CLEC16A: variants seen among roughly 807,000 people sequenced by gnomAD.
The protein encoded by CLEC16A is C-type lectin domain containing 16A.
In CLEC16A, 51 loss-of-function variants were observed where a neutral mutation model predicts 109.5. The ratio of observed to expected loss-of-function variants is 0.47; its 90% CI spans 0.37 to 0.59. The LOEUF is 0.59. Among genes scored for constraint, CLEC16A ranks in the 20% least tolerant of loss-of-function variants. The pLI, the probability that CLEC16A is intolerant of heterozygous loss-of-function variation, is 0.00. For missense variants in CLEC16A, 1,339 were observed against 1,394.0 expected (o/e 0.96, Z 0.63); for synonymous variants, 673 against 564.2 (o/e 1.19, Z -2.73).
At chr16:10,995,824 T>C (rs2044293942) in intron 10 of CLEC16A, among the ~76,000 whole-genome samples, 1 of 152,188 alleles carries the variant, frequency 6.6e-6, no homozygotes, top group South Asian at 2.1e-4. Context: ...GTCTCCTTTC[T>C]TAAGGGGAAA....
intron 18 of CLEC16A, chr16:11,056,984 TTTCGTTGCTTCCAGTA>T (rs1482593826): frequency 4.6e-5 from 7 of 152,238 alleles, no homozygotes; most frequent in Non-Finnish European, 1.0e-4. Context: ...AAGTAGACAT[TTTCGTTGCTTCCAGTA>T]TTACATTATT....
chr16:11,032,329 G>A (rs764371038), intron 13 of CLEC16A, among the ~76,000 whole-genome samples: 1 of 152,222 alleles, frequency 6.6e-6, no homozygotes, highest in Non-Finnish European at 1.5e-5. Context: ...GCCGTGTGGG[G>A]CTGCTGGGGG....
rs56911220 is a variant in CLEC16A at position 11,018,748 on chromosome 16, C to CAAAAAAAAA, written c.1304-1436_1304-1428dup. Reference sequence around the variant, plus strand: ...TGGGCGACAGAGCGAGACTCCATCTCAAAAAAAAAAAAAAAAATGGAGACA... The same window carrying CAAAAAAAAA: ...TGGGCGACAGAGCGAGACTCCATCTCAAAAAAAAAAAAAAAAAAAAAAAAAATGGAGACA... On this transcript the variant is annotated intron_variant, in intron 11 of 23. Transcript: ENST00000409790. Among the ~76,000 whole-genome samples the CAAAAAAAAA allele has an allele frequency of 4.3e-3, 414 of 96,204 alleles. 24 individuals are homozygous for CAAAAAAAAA. The highest frequency in any genetic ancestry group is 0.011 in the African/African-American group (262 of 22,792). 63.1% of individuals were successfully genotyped at this position (96,204 alleles called of 152,430 possible).
In CLEC16A at chr16:11,179,698, T is replaced by A. The variant is rs2141063526; in HGVS notation, c.*1008T>A. ...TGATGGAAATCAAAGGAAGACACCC[T>A]CTACGTCACCTGCCCTCGACTGTGT... On this transcript the variant is annotated 3_prime_UTR_variant, in exon 24 of 24. Transcript: ENST00000409790. 2.0e-5 allele frequency: 3 copies of A among 152,412 alleles called. No individual in the cohort carries two copies. In the South Asian group the frequency reaches 6.2e-4, roughly 32 times the overall value. The allele number at this position is 152,412 out of a possible 1,614,324, so 9.4% of individuals were successfully genotyped here.
intron 10 of CLEC16A, among the ~76,000 whole-genome samples, chr16:10,985,669 A>G (rs886357475): frequency 1.3e-5 from 2 of 151,970 alleles, no homozygotes; most frequent in African/African-American, 2.4e-5. Context: ...GTTCTAAGAG[A>G]TGAAACCAGA....
chr16:11,109,151 G>A (rs1375648242), intron 19 of CLEC16A, among the ~76,000 whole-genome samples: 10 of 142,010 alleles, frequency 7.0e-5, no homozygotes, highest in African/African-American at 2.6e-4. Flanking sequence ...CAGGGGCCTT[G>A]ATTCAAAACA....
chr16:11,122,966 C>T (rs1012443742), intron 20 of CLEC16A, among the ~76,000 whole-genome samples: 15 of 117,604 alleles, frequency 1.3e-4, no homozygotes, highest in African/African-American at 4.4e-4. Context: ...TGCAGTGGTT[C>T]GATCTCGGCT....
chr16:11,106,346 T>C (rs544565866), intron 19 of CLEC16A, among the ~76,000 whole-genome samples: 2 of 152,084 alleles, frequency 1.3e-5, no homozygotes, highest in Admixed American at 1.3e-4. Context: ...TGGAGTGCAG[T>C]GTTTTGATCA....
intron 22 of CLEC16A, 89 bp downstream of exon 22, chr16:11,126,235 C>G: frequency 6.3e-7 from 1 of 1,580,728 alleles, no homozygotes; most frequent in South Asian, 1.1e-5. Flanking sequence ...GTGAGCTGCC[C>G]TTCCTCTCTC....
intron 19 of CLEC16A, among the ~76,000 whole-genome samples, chr16:11,114,128 C>CGTGTGTGT (rs3030600): frequency 0.031 from 3,939 of 127,234 alleles, 139 homozygotes; most frequent in African/African-American, 0.06. Flanking sequence ...TGAGGATGGC[C>CGTGTGTGT]GTGTGTGTGT....
intron 1 of CLEC16A, among the ~76,000 whole-genome samples, chr16:10,949,427 A>G (rs1266037268): frequency 3.9e-5 from 6 of 152,058 alleles, no homozygotes; most frequent in Non-Finnish European, 8.8e-5. Flanking sequence ...AGTCGTTGTT[A>G]CCAGGCAGCG....
At chr16:11,014,605 A>T (rs902385376) in intron 11 of CLEC16A, among the ~76,000 whole-genome samples, 3 of 152,362 alleles carry the variant, frequency 2.0e-5, no homozygotes, top group Admixed American at 6.5e-5. Context: ...CATAAAAGCA[A>T]GCAAATTAAA....
chr16:10,946,740 G>C (rs2041399243), intron 1 of CLEC16A, among the ~76,000 whole-genome samples: 1 of 152,144 alleles, frequency 6.6e-6, no homozygotes, highest in African/African-American at 2.4e-5. Context: ...TTCTGTACCA[G>C]GTATTTGCTA....
At chr16:11,032,899 C>T (rs1312408601) in intron 13 of CLEC16A, among the ~76,000 whole-genome samples, 1 of 152,100 alleles carries the variant, frequency 6.6e-6, no homozygotes, top group South Asian at 2.1e-4. Flanking sequence ...ATGGGAAACC[C>T]CTACCGAATT....
At chr16:11,149,428 A>G (rs2054204248) in intron 22 of CLEC16A, among the ~76,000 whole-genome samples, 1 of 152,164 alleles carries the variant, frequency 6.6e-6, no homozygotes, top group Admixed American at 6.5e-5. Context: ...TTTATTTTCC[A>G]CTTCTGTCTT....
intron 20 of CLEC16A, among the ~76,000 whole-genome samples, chr16:11,122,977 C>CACT (rs961413976): frequency 7.2e-6 from 1 of 137,932 alleles, no homozygotes; most frequent in Non-Finnish European, 1.5e-5. Flanking sequence ...GATCTCGGCT[C>CACT]ACTGCAACCT....
At chr16:11,051,745 C>CA in intron 18 of CLEC16A, 104 bp downstream of exon 18, 1 of 1,439,410 alleles carries the variant, frequency 6.9e-7, no homozygotes, top group Non-Finnish European at 9.5e-7. Context: ...AGCCTGCCCT[C>CA]AACACAGCTT....
intron 19 of CLEC16A, among the ~76,000 whole-genome samples, chr16:11,092,361 A>AAC (rs3030566): frequency 0.11 from 15,049 of 132,350 alleles, 1,081 homozygotes; most frequent in Admixed American, 0.24. Flanking sequence ...AACAAAAACA[A>AAC]ACACACACAC....
chr16:11,052,471 CCCTGCAGCTGGTGGTTCTA>C (rs1259002601), intron 18 of CLEC16A, among the ~76,000 whole-genome samples: 1 of 152,200 alleles, frequency 6.6e-6, no homozygotes, highest in Admixed American at 6.5e-5. Flanking sequence ...GAACCTTCCT[CCCTGCAGCTGGTGGTTCTA>C]CCTCGGAAGC....
Sources: allele counts gnomAD v4.1 joint callset (sites outside exome capture counted in the v4.1 genomes callset), GRCh38; gene constraint gnomAD v4.1.1; transcripts MANE v1.5; gene names NCBI Gene and HGNC (gene_info 2026-07-23, HGNC 2026-07-21).